The following CELSR1 variants were observed in gnomAD, a reference collection of about 807,000 sequenced individuals.
CELSR1 encodes the protein cadherin EGF LAG seven-pass G-type receptor 1.
In CELSR1, 110 loss-of-function variants were observed where a neutral mutation model predicts 249.1. That is an observed-to-expected ratio of 0.44 (90% CI 0.38 to 0.52). CELSR1 has a LOEUF of 0.52. Among genes scored for constraint, CELSR1 ranks in the 20% least tolerant of loss-of-function variants. The pLI is 0.00. For synonymous variants in CELSR1, 2,113 were observed against 1,900.0 expected, an observed-to-expected ratio of 1.11 and a Z score of -2.92; for missense variants, 4,109 against 4,296.4, an observed-to-expected ratio of 0.96 and a Z score of 1.22.
At chr22:46,431,497 G>A (rs2147423286) in intron 5 of CELSR1, among the ~76,000 whole-genome samples, 1 of 152,280 alleles carries the variant, frequency 6.6e-6, no homozygotes, top group Middle Eastern at 3.4e-3. Context: ...GAAGGAAAAT[G>A]CGCCACCTAT....
In CELSR1 at chr22:46,454,755, G is replaced by A. The variant is rs191173837; in HGVS notation, c.4183+8952C>T. ...AGAAACCTGCCTCCCACCCTGGAGTGGCCCGTGGTCCTCGCAGACACGCGA... is the reference window on the plus strand; with the variant it reads ...AGAAACCTGCCTCCCACCCTGGAGTAGCCCGTGGTCCTCGCAGACACGCGA... On this transcript the variant is annotated intron_variant, in intron 2 of 34. Transcript: ENST00000674500. This position sits in a 1 kb window ranked among gnomAD's most constrained non-coding sequence, Gnocchi z 5.1. Among the ~76,000 whole-genome samples, 1 of 152,358 alleles carries A rather than the reference G, an allele frequency of 6.6e-6. No individual in the cohort carries two copies. Among genetic ancestry groups the A allele is most frequent in the East Asian group, 1.9e-4 (1 of 5,180 alleles).
In CELSR1 at chr22:46,365,321, A is replaced by T. The variant is rs755424854; in HGVS notation, c.8464T>A (p.Ser2822Thr). ...TCCTCGCTGTCTGACGAGTGTGAGG[A>T]GGCGTAAGAGCTGCTCTGCTCATCC... is the stretch of plus-strand genomic sequence containing the variant. ...SLDEQSSSYA[S>T]SHSSDSEDDG... The change falls in exon 32 of 35, where the codon TCC becomes ACC. Residue 2822 changes from serine (S) to threonine (T), a missense_variant. By Grantham distance (58) the Ser-to-Thr change is moderately conservative. This residue lies in a region of CELSR1 where 1,805 missense variants were observed against 1,831.6 expected (regional missense o/e 0.99). Transcript: ENST00000674500. 6.2e-7 allele frequency: 1 copy of T among 1,612,898 alleles called. No individual in the cohort carries two copies. The highest frequency in any genetic ancestry group is 1.1e-5 in the South Asian group (1 of 91,076).
In CELSR1 at chr22:46,384,543, C is replaced by CT; in HGVS notation, c.6882dup (p.Glu2295ArgfsTer37). 6.2e-7 allele frequency: 1 copy of CT among 1,601,900 alleles called. No homozygotes were observed. Among genetic ancestry groups the CT allele is most frequent in the Non-Finnish European group, 8.5e-7 (1 of 1,174,254 alleles). ...GCAGCAGGTTTCTAAGCGGTTTTAC[C>CT]TTTTTCTTCAGGTGGTCTGAAGAAG... is the stretch of plus-strand genomic sequence containing the variant. On this transcript the variant is annotated frameshift_variant and splice_region_variant, in exon 20 of 35. Transcript: ENST00000674500. LOFTEE classifies it high-confidence loss of function.
Position 46,534,893 on chromosome 22 carries a change from G to A in CELSR1, c.2278C>T (p.Leu760=). 6.2e-7 allele frequency: 1 copy of A among 1,612,626 alleles called. No homozygotes were observed. The highest frequency in any genetic ancestry group is 8.5e-7 in the Non-Finnish European group (1 of 1,180,010). The change falls in exon 1 of 35, where the codon CTG becomes TTG. Residue 760 remains leucine (L), a synonymous_variant. Transcript: ENST00000674500. The surrounding 1 kb of genome is among the most constrained non-coding windows in gnomAD (Gnocchi z 9.7). ...LDYKQEQQYV[L]AVTASDGTRS... ...GTGCCGTCGGATGCTGTCACCGCCA[G>A]CACGTACTGCTGCTCCTGCTTGTAG...
At chr22:46,368,018 C>G (rs535959055) in intron 27 of CELSR1, among the ~76,000 whole-genome samples, 163 bp from the exon 28 acceptor site, 2 of 152,318 alleles carry the variant, frequency 1.3e-5, no homozygotes, top group African/African-American at 4.8e-5. Flanking sequence ...TTCCTCCCCT[C>G]GTAGCCAGGT....
intron 1 of CELSR1, among the ~76,000 whole-genome samples, chr22:46,497,274 C>A (rs1339407381): frequency 6.6e-6 from 1 of 152,220 alleles, no homozygotes; most frequent in East Asian, 1.9e-4. Context: ...ATTTTATTTT[C>A]TTTATACGTA....
chr22:46,503,372 T>G (rs1442566995), intron 1 of CELSR1, among the ~76,000 whole-genome samples: 1 of 152,214 alleles, frequency 6.6e-6, no homozygotes, highest in African/African-American at 2.4e-5. Flanking sequence ...ACACCTGTAC[T>G]TCCTTCTGTT....
chr22:46,525,008 C>A (rs569201537), intron 1 of CELSR1, among the ~76,000 whole-genome samples: 1 of 152,288 alleles, frequency 6.6e-6, no homozygotes, highest in South Asian at 2.1e-4. Flanking sequence ...GGCCCCAGGT[C>A]CACAGGCTTC....
At chr22:46,513,923 T>G (rs1400451241) in intron 1 of CELSR1, among the ~76,000 whole-genome samples, 1 of 151,434 alleles carries the variant, frequency 6.6e-6, no homozygotes, top group Non-Finnish European at 1.5e-5. Flanking sequence ...CCCCCCCGAG[T>G]AGCTGGGACT....
Position 46,364,155 on chromosome 22 carries a change from T to G in CELSR1, c.8876A>C (p.Gln2959Pro). The change falls in exon 34 of 35, where the codon CAG (glutamine) becomes CCG (proline). Residue 2959 changes from glutamine (Q) to proline (P), a missense_variant. Physicochemically the swap from Gln to Pro is moderately conservative, Grantham distance 76. This residue lies in a region of CELSR1 where 1,805 missense variants were observed against 1,831.6 expected (regional missense o/e 0.99). Coordinates refer to ENST00000674500, the MANE Select transcript of CELSR1 (RefSeq NM_001378328.1). ...RLREKLADCE[Q>P]SPTSSRTSSL... ...AGACGTGCGCGAGGATGTGGGGCTCTGCTCACAGTCGGCCAGCTTCTCCCG... is the reference window on the plus strand; with the variant it reads ...AGACGTGCGCGAGGATGTGGGGCTCGGCTCACAGTCGGCCAGCTTCTCCCG... 1 of 1,612,402 alleles carries G rather than the reference T, an allele frequency of 6.2e-7. No individual in the cohort carries two copies. Among genetic ancestry groups the G allele is most frequent in the Non-Finnish European group, 8.5e-7 (1 of 1,179,770 alleles).
rs1328063446 is a variant in CELSR1, at chr22:46,428,356, A to G, written c.4611+5037T>C. 6.6e-6 allele frequency among the ~76,000 whole-genome samples: 1 copy of G among 152,230 alleles called. No individual in the cohort carries two copies. The highest frequency in any genetic ancestry group is 1.5e-5 in the Non-Finnish European group (1 of 68,036). The stretch of plus-strand genomic sequence containing the variant: ...CGTGGCCAGCATGGCGATCGCGACC[A>G]GCACAGCATCGTCCCCGGCCAGGTG... On this transcript the variant is annotated intron_variant, in intron 5 of 34. Coordinates refer to ENST00000674500, the MANE Select transcript of CELSR1 (RefSeq NM_001378328.1). This position sits in a 1 kb window ranked among gnomAD's most constrained non-coding sequence, Gnocchi z 5.7.
intron 33 of CELSR1, 34 bp downstream of exon 33, chr22:46,364,478 A>T: frequency 1.9e-6 from 3 of 1,586,572 alleles, no homozygotes; most frequent in Non-Finnish European, 2.6e-6. Flanking sequence ...TGGGTCCTCC[A>T]GCCTTTCACT....
At chr22:46,384,499 G>A (rs1361816334) in intron 20 of CELSR1, 44 bp downstream of exon 20, 24 of 1,546,068 alleles carry the variant, frequency 1.6e-5, no homozygotes, top group East Asian at 4.8e-5. Flanking sequence ...CTCCCTGAAC[G>A]CTGGGGACTC....
intron 24 of CELSR1, among the ~76,000 whole-genome samples, chr22:46,373,800 ACT>A (rs1316651412): frequency 3.9e-5 from 6 of 151,976 alleles, no homozygotes; most frequent in Non-Finnish European, 5.9e-5. Context: ...CTCTGGACAC[ACT>A]GTCTAATCCT....
intron 18 of CELSR1, among the ~76,000 whole-genome samples, chr22:46,387,240 A>G (rs1185018657): frequency 2.0e-5 from 3 of 152,264 alleles, no homozygotes; most frequent in African/African-American, 7.2e-5. Flanking sequence ...CAATTGAAAT[A>G]CAAAACAAAA....
At chr22:46,387,224 G>A (rs927125167) in intron 18 of CELSR1, among the ~76,000 whole-genome samples, 1 of 152,090 alleles carries the variant, frequency 6.6e-6, no homozygotes, top group Non-Finnish European at 1.5e-5. Context: ...CTGTTTGCTA[G>A]CCGAACAATT....
intron 25 of CELSR1, among the ~76,000 whole-genome samples, chr22:46,370,546 G>A (rs945225875): frequency 2.0e-5 from 3 of 152,176 alleles, no homozygotes; most frequent in Admixed American, 6.5e-5. Flanking sequence ...AACCAGATCC[G>A]CCTGTCCATG....
At chr22:46,386,798 G>T (rs1367460684) in intron 18 of CELSR1, among the ~76,000 whole-genome samples, 1 of 152,104 alleles carries the variant, frequency 6.6e-6, no homozygotes, top group Non-Finnish European at 1.5e-5. Flanking sequence ...TTGTCGCCCA[G>T]GCTGGAATGC....
rs150266922 is a variant in CELSR1, at chr22:46,411,216, C to G, written c.4769+386G>C. On this transcript the variant is annotated intron_variant, in intron 6 of 34. Transcript: ENST00000674500. This position sits in a 1 kb window ranked among gnomAD's most constrained non-coding sequence, Gnocchi z 4.2. ...CCCATCTCAGAAAAAAACAAAACAACAACAAAAAAACATAAGCCTCTGGGA... is the reference window on the plus strand; with the variant it reads ...CCCATCTCAGAAAAAAACAAAACAAGAACAAAAAAACATAAGCCTCTGGGA... Among the ~76,000 whole-genome samples the G allele has an allele frequency of 4.6e-5, 7 of 152,146 alleles. No homozygotes were observed. Among genetic ancestry groups the G allele is most frequent in the African/African-American group, 1.7e-4 (7 of 41,530 alleles).
Sources: gnomAD v4.1 joint callset for allele counts (sites outside exome capture counted in the v4.1 genomes callset) on GRCh38, gnomAD v4.1.1 for gene constraint, gnomAD v4.1.1 regional missense constraint, Gnocchi (gnomAD v3.1) non-coding constraint, MANE v1.5 for transcripts, NCBI Gene and HGNC (gene_info 2026-07-23, HGNC 2026-07-21) for gene names.